Variants in ITGAV observed in about 807,000 individuals in gnomAD.
The protein encoded by ITGAV is integrin subunit alpha V.
A neutral mutation model predicts 143.8 loss-of-function variants in ITGAV; 76 were observed. That is an observed-to-expected ratio of 0.53 (90% confidence interval 0.44 to 0.64). ITGAV has a LOEUF of 0.64. Ranked by LOEUF, ITGAV falls within the 30% of genes least tolerant of loss-of-function variation. ITGAV has a pLI of 0.00. For synonymous variants in ITGAV, 453 were observed against 446.7 expected (o/e 1.01, Z -0.18); for missense variants, 1,193 against 1,274.7 (o/e 0.94, Z 0.98).
At position 186,680,162 on chromosome 2, in the gene ITGAV, C is replaced by G. The variant is rs1689315243; in HGVS notation, c.*2870C>G. ...TCGTTCTTGGAATACCTATGTGCAG[C>G]CACTACCCATCTCAATGTCACCTTG... On this transcript the variant is annotated 3_prime_UTR_variant, in exon 30 of 30. Transcript: ENST00000261023. 1 of 152,082 alleles carries G rather than the reference C, an allele frequency of 6.6e-6. No individual in the cohort carries two copies. Among genetic ancestry groups the G allele is most frequent in the Non-Finnish European group, 1.5e-5 (1 of 67,968 alleles). 9.4% of individuals were successfully genotyped at this position (152,082 alleles called of 1,614,324 possible).
intron 5 of ITGAV, 104 bp downstream of exon 5, chr2:186,630,962 C>T (rs1687800855): frequency 1.8e-6 from 1 of 569,636 alleles, no homozygotes; most frequent in African/African-American, 1.9e-5. Context: ...CAGCTGTTAG[C>T]TCTTTAATGA....
Position 186,614,271 on chromosome 2 carries a change from T to G in ITGAV, c.317-8068T>G, listed in dbSNP as rs1399836861. Among the ~76,000 whole-genome samples, 5 of 152,088 alleles carry G rather than the reference T, an allele frequency of 3.3e-5. No homozygotes were observed. The East Asian group carries it at 9.6e-4, about 29-fold the overall frequency. The stretch of plus-strand genomic sequence containing the variant: ...GGGCCATAGGATATACTTTTGTGTG[T>G]GTATTTGTGCATGTACCTTATGGCC... On this transcript the variant is annotated intron_variant, in intron 2 of 29. Transcript: ENST00000261023.
intron 19 of ITGAV, among the ~76,000 whole-genome samples, chr2:186,664,166 A>G (rs1559066092): frequency 6.6e-6 from 1 of 152,232 alleles, no homozygotes; most frequent in African/African-American, 2.4e-5. Context: ...AATTATAAAG[A>G]ATATTGTGAG....
At chr2:186,610,188 A>T (rs1250293475) in intron 2 of ITGAV, among the ~76,000 whole-genome samples, 1 of 152,178 alleles carries the variant, frequency 6.6e-6, no homozygotes, top group South Asian at 2.1e-4. Flanking sequence ...ACACGACTTT[A>T]AAAAATGTGG....
At chr2:186,601,375 C>T (rs1052571124) in intron 1 of ITGAV, among the ~76,000 whole-genome samples, 11 of 151,392 alleles carry the variant, frequency 7.3e-5, no homozygotes, top group South Asian at 4.2e-4. Context: ...GTAGGAGGAT[C>T]GCTTGAGCCA....
intron 1 of ITGAV, among the ~76,000 whole-genome samples, chr2:186,597,360 G>A (rs966049286): frequency 6.6e-6 from 1 of 152,170 alleles, no homozygotes; most frequent in Non-Finnish European, 1.5e-5. Context: ...TAAATAATTG[G>A]ATGTTTAATA....
chr2:186,596,109 T>A (rs1686742906), intron 1 of ITGAV, among the ~76,000 whole-genome samples: 1 of 152,230 alleles, frequency 6.6e-6, no homozygotes. Context: ...ATCTTGTATT[T>A]TCGTGGTGTT....
At chr2:186,608,510 T>A (rs531540993) in intron 2 of ITGAV, among the ~76,000 whole-genome samples, 1 of 152,306 alleles carries the variant, frequency 6.6e-6, no homozygotes, top group African/African-American at 2.4e-5. Context: ...TAATATTTTG[T>A]AAAATGGTCC....
chr2:186,671,277 CT>C (rs1689054337), intron 26 of ITGAV, among the ~76,000 whole-genome samples: 1 of 152,090 alleles, frequency 6.6e-6, no homozygotes, highest in African/African-American at 2.4e-5. Flanking sequence ...CTACAATGAC[CT>C]TTAAGCCCAA....
At position 186,633,374 on chromosome 2, in the gene ITGAV, G is replaced by T; in HGVS notation, c.631G>T (p.Gly211Cys). The change falls in exon 6 of 30, where the codon GGT (glycine) becomes TGT (cysteine). Residue 211 changes from glycine (G) to cysteine (C), a missense_variant and splice_region_variant. By Grantham distance (159) the Gly-to-Cys change is radical. Transcript: ENST00000261023. Reference protein sequence around the residue: ...LGGPGSFYWQGQLISDQVAEI... With the variant: ...LGGPGSFYWQCQLISDQVAEI... ...TGGTCCTGGTAGCTTTTATTGGCAA[G>T]GTAGGTTAATATTTTTTAAATTACA... 1 of 1,571,982 alleles carries T rather than the reference G, an allele frequency of 6.4e-7. No individual in the cohort carries two copies. Among genetic ancestry groups the T allele is most frequent in the South Asian group, 1.1e-5 (1 of 86,996 alleles).
At chr2:186,599,410 G>T (rs1312711300) in intron 1 of ITGAV, among the ~76,000 whole-genome samples, 1 of 152,198 alleles carries the variant, frequency 6.6e-6, no homozygotes, top group Non-Finnish European at 1.5e-5. Flanking sequence ...CAGGGCTTCA[G>T]ACTACAACTG....
At chr2:186,653,166 C>G (rs899043179) in intron 15 of ITGAV, among the ~76,000 whole-genome samples, 1 of 151,902 alleles carries the variant, frequency 6.6e-6, no homozygotes, top group Non-Finnish European at 1.5e-5. Context: ...AGGATGGTCT[C>G]GATCTCCTGA....
chr2:186,623,922 T>C (rs956289542), intron 3 of ITGAV, among the ~76,000 whole-genome samples: 3 of 152,156 alleles, frequency 2.0e-5, no homozygotes, highest in African/African-American at 4.8e-5. Flanking sequence ...CTGCTGCTTC[T>C]CTTACCCTAA....
intron 2 of ITGAV, among the ~76,000 whole-genome samples, chr2:186,612,090 T>G (rs562744576): frequency 5.9e-5 from 9 of 152,278 alleles, no homozygotes; most frequent in South Asian, 2.1e-4. Context: ...AGGAAAGAAA[T>G]AAAGATAATT....
At chr2:186,647,520 G>A (rs916380397) in intron 13 of ITGAV, among the ~76,000 whole-genome samples, 6 of 152,206 alleles carry the variant, frequency 3.9e-5, no homozygotes, top group African/African-American at 1.4e-4. Flanking sequence ...ACAGGCGTGA[G>A]CCACCGCACC....
At position 186,617,494 on chromosome 2, in the gene ITGAV, A is replaced by T. The variant is rs1687398212; in HGVS notation, c.317-4845A>T. Among the ~76,000 whole-genome samples, 4 of 152,218 alleles carry T rather than the reference A, an allele frequency of 2.6e-5. No homozygotes were observed. In the South Asian group the frequency reaches 8.3e-4, roughly 31 times the overall value. On this transcript the variant is annotated intron_variant, in intron 2 of 29. Transcript: ENST00000261023. ...GGAGTTTGATAAAATGCAAATGACA[A>T]GTTTCCAAACCTGGCAAAATAAACA... is the stretch of plus-strand genomic sequence containing the variant.
chr2:186,597,945 T>A (rs1686790113), intron 1 of ITGAV, among the ~76,000 whole-genome samples: 1 of 152,202 alleles, frequency 6.6e-6, no homozygotes, highest in South Asian at 2.1e-4. Context: ...TGTGAGCTAC[T>A]ATTTGAAGAC....
chr2:186,606,581 G>A (rs1687071489), intron 2 of ITGAV, among the ~76,000 whole-genome samples: 1 of 151,994 alleles, frequency 6.6e-6, no homozygotes, highest in Non-Finnish European at 1.5e-5. Flanking sequence ...ATTTGCTTCT[G>A]TATCCCTGCT....
chr2:186,661,219 T>C (rs1688734190), intron 18 of ITGAV, among the ~76,000 whole-genome samples: 1 of 152,188 alleles, frequency 6.6e-6, no homozygotes, highest in African/African-American at 2.4e-5. Context: ...ATTCAAATAT[T>C]TAGGTTTTAT....
Sources: gnomAD v4.1 joint callset for allele counts (sites outside exome capture counted in the v4.1 genomes callset) on GRCh38, gnomAD v4.1.1 for gene constraint, MANE v1.5 for transcripts, NCBI Gene and HGNC (gene_info 2026-07-23, HGNC 2026-07-21) for gene names.